Variants in SORBS2 observed in about 807,000 individuals in gnomAD.
SORBS2 encodes sorbin and SH3 domain-containing protein 2.
Under a neutral mutation model 97.7 loss-of-function variants are expected in SORBS2, and 46 were observed. The ratio of observed to expected loss-of-function variants is 0.47; its 90% CI spans 0.37 to 0.60. SORBS2 has a LOEUF of 0.60. Among genes scored for constraint, SORBS2 ranks in the 20% least tolerant of loss-of-function variants. The pLI is 0.00. For missense variants in SORBS2, 1,316 were observed against 1,282.3 expected (o/e 1.03, Z -0.40); for synonymous variants, 476 against 473.4 (o/e 1.01, Z -0.07).
intron 1 of SORBS2, among the ~76,000 whole-genome samples, chr4:185,911,645 T>C (rs925956750): frequency 6.6e-6 from 1 of 152,182 alleles, no homozygotes; most frequent in Non-Finnish European, 1.5e-5. Flanking sequence ...CAAGGACAAC[T>C]GACATTTGCT....
chr4:185,729,680 T>A (rs962878739), intron 2 of SORBS2, among the ~76,000 whole-genome samples: 5 of 152,272 alleles, frequency 3.3e-5, no homozygotes, highest in African/African-American at 9.6e-5. Flanking sequence ...TTCCTCTTTT[T>A]CTTTCTACTT....
chr4:185,671,767 A>G (rs2097715868), intron 4 of SORBS2, among the ~76,000 whole-genome samples: 1 of 152,204 alleles, frequency 6.6e-6, no homozygotes. Context: ...AAGGCAGATC[A>G]TGACGTGGTA....
chr4:185,652,581 G>A (rs1187691725), intron 2 of SORBS2, 81 bp downstream of exon 10: 1 of 1,085,348 alleles, frequency 9.2e-7, no homozygotes, highest in Non-Finnish European at 1.4e-6. Flanking sequence ...GACATTGTGT[G>A]TGAATCAAAC....
intron 1 of SORBS2, among the ~76,000 whole-genome samples, chr4:185,952,606 T>C (rs2099277741): frequency 6.6e-6 from 1 of 152,052 alleles, no homozygotes; most frequent in Non-Finnish European, 1.5e-5. Context: ...ATAGGGAGAG[T>C]CTGGAGGGTT....
At chr4:185,904,060 T>C (rs1290282800) in intron 1 of SORBS2, among the ~76,000 whole-genome samples, 1 of 152,234 alleles carries the variant, frequency 6.6e-6, no homozygotes, top group Non-Finnish European at 1.5e-5. Flanking sequence ...GAAACCACCG[T>C]ACATTCATTT....
At chr4:185,850,481 C>A (rs1277103072) in intron 1 of SORBS2, among the ~76,000 whole-genome samples, 1 of 152,192 alleles carries the variant, frequency 6.6e-6, no homozygotes, top group East Asian at 1.9e-4. Flanking sequence ...CCTGGCATCA[C>A]TGGCCTTGGA....
chr4:185,621,371 T>C (rs920767854), intron 7 of SORBS2, among the ~76,000 whole-genome samples: 3 of 152,142 alleles, frequency 2.0e-5, no homozygotes, highest in African/African-American at 7.2e-5. Context: ...GTAAATATTT[T>C]ACTAAAAAAC....
intron 1 of SORBS2, among the ~76,000 whole-genome samples, chr4:185,954,900 A>G (rs918405650): frequency 6.6e-6 from 1 of 152,162 alleles, no homozygotes; most frequent in African/African-American, 2.4e-5. Context: ...GGCAGTGAGC[A>G]GAGACCTTGC....
chr4:185,760,795 A>T (rs1392218593), intron 2 of SORBS2, among the ~76,000 whole-genome samples: 1 of 152,260 alleles, frequency 6.6e-6, no homozygotes, highest in Non-Finnish European at 1.5e-5. Flanking sequence ...TTGCATGAGG[A>T]TATAAAAATT....
At chr4:185,705,847 G>A (rs959697737) in intron 2 of SORBS2, among the ~76,000 whole-genome samples, 6 of 152,084 alleles carry the variant, frequency 3.9e-5, no homozygotes, top group Non-Finnish European at 5.9e-5. Context: ...AGTCTATTGA[G>A]GGCCTTTCTT....
intron 1 of SORBS2, among the ~76,000 whole-genome samples, chr4:185,814,842 C>T (rs2099192311): frequency 6.6e-6 from 1 of 152,354 alleles, no homozygotes; most frequent in South Asian, 2.1e-4. Context: ...TTGGCTCCTT[C>T]GCCTGCTCGA....
chr4:185,888,911 C>A (rs1185098206), intron 1 of SORBS2, among the ~76,000 whole-genome samples: 1 of 152,242 alleles, frequency 6.6e-6, no homozygotes, highest in Non-Finnish European at 1.5e-5. Flanking sequence ...GTATTCAGGG[C>A]AGAGTAGGTG....
intron 1 of SORBS2, among the ~76,000 whole-genome samples, chr4:185,827,172 CATCATCAGA>C (rs2099200745): frequency 8.0e-6 from 1 of 125,392 alleles, no homozygotes; most frequent in East Asian, 2.4e-4. Context: ...CCATCATCAC[CATCATCAGA>C]ATCACCATCA....
intron 1 of SORBS2, among the ~76,000 whole-genome samples, chr4:185,809,603 T>C (rs2099170869): frequency 6.6e-6 from 1 of 151,994 alleles, no homozygotes; most frequent in Non-Finnish European, 1.5e-5. Context: ...TCTTGAAGGA[T>C]AGAGATTATG....
At chr4:185,600,368 T>C (rs10049893) in intron 12 of SORBS2, among the ~76,000 whole-genome samples, 52,100 of 152,022 alleles carry the variant, frequency 0.34, 13,370 homozygotes, top group African/African-American at 0.73. Flanking sequence ...AGACGGAGTC[T>C]GGCTCTGTCG....
intron 1 of SORBS2, among the ~76,000 whole-genome samples, chr4:185,823,957 C>T (rs1216293074): frequency 2.0e-5 from 3 of 152,086 alleles, no homozygotes; most frequent in Non-Finnish European, 2.9e-5. Context: ...CAGCTGATAC[C>T]GTATCTTAGG....
chr4:185,776,998 C>T (rs956770353), intron 1 of SORBS2, among the ~76,000 whole-genome samples: 11 of 151,482 alleles, frequency 7.3e-5, no homozygotes, highest in African/African-American at 2.7e-4. Flanking sequence ...CTTTCTTTGC[C>T]ATTAAAGAAA....
At chr4:185,954,612 G>A (rs765963230) in intron 1 of SORBS2, among the ~76,000 whole-genome samples, 4 of 152,146 alleles carry the variant, frequency 2.6e-5, no homozygotes, top group Non-Finnish European at 5.9e-5. Flanking sequence ...ATGAATAAAC[G>A]AAGCGTCTCT....
intron 1 of SORBS2, among the ~76,000 whole-genome samples, chr4:185,825,254 A>G (rs1435079998): frequency 7.2e-6 from 1 of 138,980 alleles, no homozygotes; most frequent in Non-Finnish European, 1.6e-5. Context: ...TAATTTCAAA[A>G]CAGTGCAATA....
Sources: gnomAD v4.1 joint callset for allele counts (sites outside exome capture counted in the v4.1 genomes callset) on GRCh38, gnomAD v4.1.1 for gene constraint, MANE v1.5 for transcripts, NCBI Gene and HGNC (gene_info 2026-07-23, HGNC 2026-07-21) for gene names.